The following RBFOX1 variants were observed in gnomAD, a reference collection of about 807,000 sequenced individuals.
The protein encoded by RBFOX1 is RNA binding protein fox-1 homolog 1.
A neutral mutation model predicts 57.7 loss-of-function variants in RBFOX1; 8 were observed. That is an observed-to-expected ratio of 0.14 (90% confidence interval 0.08 to 0.25). The LOEUF is 0.25. Ranked by LOEUF, RBFOX1 falls within the 10% of genes least tolerant of loss-of-function variation. The pLI is 1.00. For synonymous variants in RBFOX1, 326 were observed against 222.4 expected (o/e 1.47, Z -4.15); for missense variants, 611 against 548.5 (o/e 1.11, Z -1.14).
chr16:6,896,894 G>A (rs1374727309), intron 3 of RBFOX1, among the ~76,000 whole-genome samples: 2 of 152,098 alleles, frequency 1.3e-5, no homozygotes, highest in East Asian at 3.9e-4. Flanking sequence ...GAATTTAGGT[G>A]ACATTTTTAA....
chr16:6,612,863 A>AAAAAAAAAT lies in RBFOX1; in HGVS notation c.-63-41738_-63-41737insAAAAAATAA, dbSNP rs59339311. Among the ~76,000 whole-genome samples the AAAAAAAAAT allele has an allele frequency of 1.6e-3, 212 of 132,218 alleles. 2 individuals carry two copies. The highest frequency in any genetic ancestry group is 5.8e-3 in the African/African-American group (200 of 34,450). 86.7% of individuals were successfully genotyped at this position (132,218 alleles called of 152,430 possible). A position where few individuals can be genotyped will look rare whatever the true frequency, so the allele number is the denominator to read the frequency against. On this transcript the variant is annotated intron_variant, in intron 2 of 15. Coordinates refer to ENST00000550418, the MANE Select transcript of RBFOX1 (RefSeq NM_018723.4). ...AGACTCTCTCTCAAAAAAAAAAAAA[A>AAAAAAAAAT]AATAATAATAATAATATTTGTTTGT... is the stretch of plus-strand genomic sequence containing the variant.
At chr16:5,598,404 A>G (rs1208805562) in intron 2 of RBFOX1, among the ~76,000 whole-genome samples, 1 of 152,162 alleles carries the variant, frequency 6.6e-6, no homozygotes, top group Non-Finnish European at 1.5e-5. Context: ...GCGGAGTCAA[A>G]GATGCAATTT....
rs186890200 is a variant in RBFOX1, at chr16:5,696,547, A to G, written c.318+97586A>G. Among the ~76,000 whole-genome samples, 9 of 152,338 alleles carry G rather than the reference A, an allele frequency of 5.9e-5. No individual in the cohort carries two copies. In the East Asian group the frequency reaches 1.7e-3, roughly 29 times the overall value. ...GATCCAAGGCTATGTGCGTTTTCAAATTTACCGCATATTTCTAAAACCATC... is the reference window on the plus strand; with the variant it reads ...GATCCAAGGCTATGTGCGTTTTCAAGTTTACCGCATATTTCTAAAACCATC... On this transcript the variant is annotated intron_variant, in intron 3 of 19. Coordinates refer to the RBFOX1 transcript ENST00000641259.
intron 3 of RBFOX1, among the ~76,000 whole-genome samples, chr16:7,007,785 G>A (rs905586996): frequency 6.6e-6 from 1 of 152,108 alleles, no homozygotes; most frequent in Non-Finnish European, 1.5e-5. Flanking sequence ...GTGAGGATGG[G>A]GTAAGGCTGC....
At chr16:7,701,572 C>A (rs2080747352) in intron 14 of RBFOX1, among the ~76,000 whole-genome samples, 1 of 152,162 alleles carries the variant, frequency 6.6e-6, no homozygotes, top group Non-Finnish European at 1.5e-5. Context: ...CAAAACTGGT[C>A]CCTGGTGCCA....
chr16:5,765,609 C>G (rs977204022), intron 3 of RBFOX1, among the ~76,000 whole-genome samples: 1 of 152,158 alleles, frequency 6.6e-6, no homozygotes, highest in Non-Finnish European at 1.5e-5. Context: ...CAGGTGGCTG[C>G]TATGGATTCT....
At chr16:6,748,155 A>C (rs2074162055) in intron 3 of RBFOX1, among the ~76,000 whole-genome samples, 1 of 152,062 alleles carries the variant, frequency 6.6e-6, no homozygotes. Flanking sequence ...GGCATGATTT[A>C]CTAGCATCTC....
chr16:6,194,817 A>G (rs2097169382), intron 1 of RBFOX1, among the ~76,000 whole-genome samples: 1 of 152,202 alleles, frequency 6.6e-6, no homozygotes, highest in Non-Finnish European at 1.5e-5. Context: ...CCTTGAGGGC[A>G]AGAGCTTTAT....
intron 3 of RBFOX1, among the ~76,000 whole-genome samples, chr16:5,863,880 A>T (rs1408891337): frequency 1.3e-5 from 2 of 152,174 alleles, no homozygotes; most frequent in Non-Finnish European, 2.9e-5. Context: ...ACATTTCCAC[A>T]AGGTCTCTTT....
chr16:7,537,632 A>G (rs1222849252), intron 5 of RBFOX1, among the ~76,000 whole-genome samples: 1 of 152,182 alleles, frequency 6.6e-6, no homozygotes, highest in African/African-American at 2.4e-5. Flanking sequence ...TATGAGATGC[A>G]TCCATCCTGA....
At chr16:6,812,407 C>G (rs1029659661) in intron 3 of RBFOX1, among the ~76,000 whole-genome samples, 3 of 152,048 alleles carry the variant, frequency 2.0e-5, no homozygotes, top group Admixed American at 6.6e-5. Flanking sequence ...GAGTCTGGGT[C>G]TTGTCACCCA....
At chr16:7,646,378 G>C (rs911787834) in intron 11 of RBFOX1, among the ~76,000 whole-genome samples, 1 of 152,160 alleles carries the variant, frequency 6.6e-6, no homozygotes, top group Non-Finnish European at 1.5e-5. Context: ...CCATCAACCC[G>C]CTGTTGAAAG....
At chr16:6,715,937 A>G (rs17141068) in intron 3 of RBFOX1, among the ~76,000 whole-genome samples, 11,822 of 152,168 alleles carry the variant, frequency 0.078, 643 homozygotes, top group East Asian at 0.31. Context: ...TCTTCCTAGT[A>G]TGATGATTAA....
At chr16:6,673,046 A>G (rs560013448) in intron 3 of RBFOX1, among the ~76,000 whole-genome samples, 1 of 152,212 alleles carries the variant, frequency 6.6e-6, no homozygotes, top group South Asian at 2.1e-4. Flanking sequence ...AGCTCCCTGA[A>G]GAAAAACCAC....
At chr16:7,101,438 T>C (rs1342224211) in intron 4 of RBFOX1, among the ~76,000 whole-genome samples, 3 of 152,156 alleles carry the variant, frequency 2.0e-5, no homozygotes, top group South Asian at 2.1e-4. Context: ...TTACATAATA[T>C]AGCAGTGAAT....
intron 2 of RBFOX1, among the ~76,000 whole-genome samples, chr16:6,553,093 C>T (rs1041317661): frequency 1.3e-5 from 2 of 152,056 alleles, no homozygotes; most frequent in Non-Finnish European, 2.9e-5. Flanking sequence ...GTATGTAATC[C>T]CGTGGAAACG....
intron 4 of RBFOX1, among the ~76,000 whole-genome samples, chr16:7,214,988 A>G (rs962958592): frequency 6.6e-5 from 10 of 152,250 alleles, no homozygotes; most frequent in South Asian, 2.1e-4. Flanking sequence ...TGCTGCACCT[A>G]TCAACCCATC....
intron 2 of RBFOX1, among the ~76,000 whole-genome samples, chr16:5,543,474 A>T (rs2045052714): frequency 6.6e-6 from 1 of 152,210 alleles, no homozygotes; most frequent in Admixed American, 6.5e-5. Context: ...AGCAACAGAA[A>T]CTGTCCAAAA....
chr16:7,471,396 A>C (rs2061532460), intron 4 of RBFOX1, among the ~76,000 whole-genome samples: 1 of 152,182 alleles, frequency 6.6e-6, no homozygotes, highest in African/African-American at 2.4e-5. Context: ...ACATTTTGGT[A>C]GATGTTCCCA....
Sources: gnomAD v4.1 joint callset for allele counts (sites outside exome capture counted in the v4.1 genomes callset) on GRCh38, gnomAD v4.1.1 for gene constraint, MANE v1.5 for transcripts, NCBI Gene and HGNC (gene_info 2026-07-23, HGNC 2026-07-21) for gene names.